Variants in LINGO2 observed in about 807,000 individuals in gnomAD.
LINGO2 encodes leucine-rich repeat and immunoglobulin-like domain-containing nogo receptor-interacting protein 2.
In LINGO2, 14 loss-of-function variants were observed where a neutral mutation model predicts 30.6. That is an observed-to-expected ratio of 0.46 (90% CI 0.30 to 0.72). LINGO2 has a LOEUF of 0.72. LINGO2 is among the 30% of genes least tolerant of loss of function. The pLI is 0.07. For synonymous variants in LINGO2, 317 were observed against 288.5 expected, an observed-to-expected ratio of 1.10 and a Z score of -1.00; for missense variants, 729 against 751.7, an observed-to-expected ratio of 0.97 and a Z score of 0.35.
intron 5 of LINGO2, among the ~76,000 whole-genome samples, chr9:28,001,490 A>T (rs1412107716): frequency 6.6e-6 from 1 of 152,186 alleles, no homozygotes; most frequent in Non-Finnish European, 1.5e-5. Context: ...AGGCCCAGAA[A>T]GTGTGCAAAA....
the LINGO2 span, among the ~76,000 whole-genome samples, chr9:28,811,098 A>C: frequency 6.6e-6 from 1 of 152,132 alleles, no homozygotes. Context: ...TTATGCAAAA[A>C]CCTACTTCTG....
chr9:28,608,995 T>C (rs1825803951), intron 1 of LINGO2, among the ~76,000 whole-genome samples: 2 of 151,980 alleles, frequency 1.3e-5, no homozygotes, highest in Non-Finnish European at 1.5e-5. Context: ...AAAAATGTTC[T>C]TGAAATAGTT....
At chr9:28,863,521 G>A in the LINGO2 span, 1 of 436,284 alleles carries the variant, frequency 2.3e-6, no homozygotes, top group Admixed American at 2.5e-5. Flanking sequence ...TATTTACCAG[G>A]GATCTCTTGA....
Position 28,514,812 on chromosome 9 carries a change from T to C in LINGO2, c.-364-38787A>G, listed in dbSNP as rs898952364. Among the ~76,000 whole-genome samples, 8 of 152,080 alleles carry C rather than the reference T, an allele frequency of 5.3e-5. No individual in the cohort carries two copies. The South Asian group carries it at 6.2e-4, about 12-fold the overall frequency. On this transcript the variant is annotated intron_variant, in intron 1 of 5. Coordinates refer to ENST00000379992, the Ensembl canonical transcript of LINGO2. Reference sequence around the variant, plus strand: ...CAACAGATTTTCAATGTAGACAAAATAGCCTTCAATGTAGACAAAACAGCA... The same window carrying C: ...CAACAGATTTTCAATGTAGACAAAACAGCCTTCAATGTAGACAAAACAGCA...
chr9:28,275,359 C>T (rs1823081396), intron 4 of LINGO2, among the ~76,000 whole-genome samples: 1 of 152,050 alleles, frequency 6.6e-6, no homozygotes, highest in Non-Finnish European at 1.5e-5. Flanking sequence ...AGGCGTGAGC[C>T]ACCACACCCG....
downstream of LINGO2, chr9:27,943,213 CA>C (rs1408828508): frequency 6.6e-6 from 1 of 152,042 alleles, no homozygotes; most frequent in Non-Finnish European, 1.5e-5. Flanking sequence ...ACATGGCAAC[CA>C]AATTTCTGCT....
In LINGO2 at chr9:28,512,435, C is replaced by T. The variant is rs183600287; in HGVS notation, c.-364-36410G>A. On this transcript the variant is annotated intron_variant, in intron 1 of 5. Coordinates refer to ENST00000379992, the Ensembl canonical transcript of LINGO2. ...CTATCTGCCACTGACACCTCAAGCA[C>T]CATTGGATCTGCTGGGTCATACGGC... Among the ~76,000 whole-genome samples, 493 of 151,610 alleles carry T rather than the reference C, an allele frequency of 3.3e-3. 3 individuals carry two copies. Among genetic ancestry groups the T allele is most frequent in the African/African-American group, 0.012 (479 of 41,266 alleles).
chr9:28,379,065 G>A (rs1271629052), intron 2 of LINGO2, among the ~76,000 whole-genome samples: 3 of 151,846 alleles, frequency 2.0e-5, no homozygotes, highest in Non-Finnish European at 2.9e-5. Context: ...TTATCAGCAT[G>A]GAAAATAATA....
chr9:28,494,798 C>A (rs151127578), intron 1 of LINGO2, among the ~76,000 whole-genome samples: 1 of 152,336 alleles, frequency 6.6e-6, no homozygotes, highest in East Asian at 1.9e-4. Flanking sequence ...CCCACACTGT[C>A]TTCCACAATG....
At chr9:28,205,265 C>T (rs1300986420) in intron 4 of LINGO2, among the ~76,000 whole-genome samples, 5 of 152,138 alleles carry the variant, frequency 3.3e-5, no homozygotes, top group African/African-American at 9.7e-5. Flanking sequence ...AAGTTCCTCA[C>T]CTGAATGTTT....
chr9:28,356,877 C>T (rs1237735467), intron 3 of LINGO2, among the ~76,000 whole-genome samples: 1 of 151,922 alleles, frequency 6.6e-6, no homozygotes, highest in African/African-American at 2.4e-5. Flanking sequence ...ACTTCCTCTT[C>T]CACTGAGTGA....
rs371376613 is a variant in LINGO2 at position 28,582,568 on chromosome 9, G to C, written c.-365+87632C>G. Among the ~76,000 whole-genome samples the C allele has an allele frequency of 2.0e-4, 30 of 152,168 alleles. 1 individual carries two copies. In the South Asian group the frequency reaches 5.4e-3, roughly 27 times the overall value. On this transcript the variant is annotated intron_variant, in intron 1 of 5. Transcript: ENST00000379992. ...GTCTCACTCCGGTGACCAGGCTTCT[G>C]AGATCCAGCCATCAATAAGAGCTTT...
the LINGO2 span, among the ~76,000 whole-genome samples, chr9:28,814,357 A>C: frequency 6.6e-6 from 1 of 151,648 alleles, no homozygotes; most frequent in Non-Finnish European, 1.5e-5. Context: ...GAATCACTTG[A>C]ACCCGGGAGG....
At chr9:29,150,874 T>G in the LINGO2 span, among the ~76,000 whole-genome samples, 17,207 of 152,000 alleles carry the variant, frequency 0.11, 1,168 homozygotes, top group Middle Eastern at 0.15. Flanking sequence ...CCTAGAGAGG[T>G]TGACATGCAC....
chr9:27,943,568 T>C (rs1476039515), downstream of LINGO2: 1 of 151,514 alleles, frequency 6.6e-6, no homozygotes, highest in East Asian at 1.9e-4. Flanking sequence ...TGTGATTATG[T>C]GAATGGTAAG....
chr9:28,668,280 G>A (rs1047392895), intron 1 of LINGO2, among the ~76,000 whole-genome samples: 2 of 151,966 alleles, frequency 1.3e-5, no homozygotes, highest in African/African-American at 4.8e-5. Context: ...CAAAAGAAAA[G>A]GAACCAGTGC....
At chr9:28,278,486 G>A (rs1314662113) in intron 4 of LINGO2, among the ~76,000 whole-genome samples, 1 of 152,160 alleles carries the variant, frequency 6.6e-6, no homozygotes, top group East Asian at 1.9e-4. Flanking sequence ...TTAAGTTGAA[G>A]CCAATGCTCC....
the LINGO2 span, among the ~76,000 whole-genome samples, chr9:28,883,946 G>A: frequency 2.0e-5 from 3 of 151,012 alleles, no homozygotes; most frequent in South Asian, 6.3e-4. Context: ...CCAAAGTGCT[G>A]GGATTACAGG....
At chr9:29,118,740 C>T in the LINGO2 span, among the ~76,000 whole-genome samples, 4 of 152,098 alleles carry the variant, frequency 2.6e-5, no homozygotes, top group African/African-American at 7.2e-5. Flanking sequence ...GAGTCATGCT[C>T]GCTACCTCTC....
Sources: gnomAD v4.1 joint callset for allele counts (sites outside exome capture counted in the v4.1 genomes callset) on GRCh38, gnomAD v4.1.1 for gene constraint, MANE v1.5 for transcripts, NCBI Gene and HGNC (gene_info 2026-07-23, HGNC 2026-07-21) for gene names.